The following TCF20 variants were observed in gnomAD, a reference collection of about 807,000 sequenced individuals.
TCF20 encodes the protein transcription factor 20, also known as SPRE-binding protein.
Under a neutral mutation model 148.6 loss-of-function variants are expected in TCF20, and 3 were observed. The observed-to-expected ratio is 0.02, with a 90% CI of 0.01 to 0.05. The LOEUF (loss-of-function observed/expected upper bound fraction) is 0.05. Among genes scored for constraint, TCF20 ranks in the 10% least tolerant of loss-of-function variants. The pLI is 1.00. For missense variants in TCF20, 2,350 were observed against 2,429.3 expected, an observed-to-expected ratio of 0.97 and a Z score of 0.69; for synonymous variants, 1,049 against 909.5, an observed-to-expected ratio of 1.15 and a Z score of -2.76.
At chr22:42,266,082 T>TAAA (rs134876) in intron 1 of TCF20, among the ~76,000 whole-genome samples, 1 of 141,562 alleles carries the variant, frequency 7.1e-6, no homozygotes, top group Non-Finnish European at 1.5e-5. Flanking sequence ...GCTTTAAAAT[T>TAAA]AAAAAAAAAA....
chr22:42,341,518 C>T (rs1928168144), intron 1 of TCF20, among the ~76,000 whole-genome samples: 1 of 152,156 alleles, frequency 6.6e-6, no homozygotes, highest in Non-Finnish European at 1.5e-5. Flanking sequence ...GGCAGAGGGT[C>T]AATCCTCGGC....
chr22:42,272,406 G>A (rs185790694), upstream of TCF20, among the ~76,000 whole-genome samples: 6 of 152,342 alleles, frequency 3.9e-5, no homozygotes, highest in Admixed American at 3.9e-4. Context: ...CATGAAGAAA[G>A]ATGAATCCTT....
intron 2 of TCF20, among the ~76,000 whole-genome samples, chr22:42,207,874 A>G (rs945394782): frequency 2.0e-4 from 31 of 152,222 alleles, no homozygotes; most frequent in South Asian, 4.2e-4. Context: ...AGAAAATAGG[A>G]AACAGACAAA....
At chr22:42,318,124 T>G (rs914668753) in intron 1 of TCF20, among the ~76,000 whole-genome samples, 1 of 152,260 alleles carries the variant, frequency 6.6e-6, no homozygotes, top group Non-Finnish European at 1.5e-5. Flanking sequence ...CCCGCCCTGC[T>G]CGCCAGGTAT....
intron 1 of TCF20, among the ~76,000 whole-genome samples, chr22:42,335,197 A>G (rs905372190): frequency 2.6e-5 from 4 of 152,046 alleles, no homozygotes; most frequent in African/African-American, 7.2e-5. Flanking sequence ...ACAGACAAGA[A>G]AGCAAGGAGT....
At chr22:42,335,361 C>G (rs988842284) in intron 1 of TCF20, among the ~76,000 whole-genome samples, 1 of 152,114 alleles carries the variant, frequency 6.6e-6, no homozygotes, top group Non-Finnish European at 1.5e-5. Context: ...GCCCTGCCCA[C>G]AGGCCGGCAC....
In TCF20 at chr22:42,212,488, C is replaced by T. The variant is rs774432756; in HGVS notation, c.2818G>A (p.Ala940Thr). The change falls in exon 2 of 6, where the codon GCT becomes ACT. Residue 940 changes from alanine to threonine, a missense_variant. Coordinates refer to ENST00000677622, the MANE Select transcript of TCF20 (RefSeq NM_001378418.1). ...EEDFEQSKSQ[A>T]SFNNKKSGDH... ...CCAGATTTCTTGTTGTTGAAACTAG[C>T]TTGAGATTTAGACTGTTCAAAGTCT... 10 of 1,614,078 alleles carry T rather than the reference C, an allele frequency of 6.2e-6. No individual in the cohort carries two copies. The highest frequency in any genetic ancestry group is 1.7e-5 in the Admixed American group (1 of 60,006).
At chr22:42,179,535 GACA>G in intron 3 of TCF20, 71 bp downstream of exon 3, 1 of 642,496 alleles carries the variant, frequency 1.6e-6, no homozygotes, top group Non-Finnish European at 2.5e-6. Flanking sequence ...AAAAAACAAC[GACA>G]ACAGAGAGAA....
chr22:42,335,782 G>A (rs1180389773), intron 1 of TCF20, among the ~76,000 whole-genome samples: 1 of 152,106 alleles, frequency 6.6e-6, no homozygotes. Context: ...GTGGCAAGGG[G>A]GTGACAGGGA....
intron 1 of TCF20, among the ~76,000 whole-genome samples, chr22:42,322,377 C>A (rs904765365): frequency 6.6e-6 from 1 of 151,786 alleles, no homozygotes; most frequent in Admixed American, 6.6e-5. Context: ...GGCTTCCCGG[C>A]AGCCGTCAGA....
At chr22:42,334,490 A>G (rs1478819278) in intron 1 of TCF20, among the ~76,000 whole-genome samples, 1 of 152,232 alleles carries the variant, frequency 6.6e-6, no homozygotes, top group African/African-American at 2.4e-5. Flanking sequence ...GTCAGTCAAC[A>G]AACAGCAACT....
chr22:42,225,392 A>G (rs992805564), intron 1 of TCF20, among the ~76,000 whole-genome samples: 1 of 151,424 alleles, frequency 6.6e-6, no homozygotes, highest in Non-Finnish European at 1.5e-5. Flanking sequence ...AGGCGGGTGG[A>G]TCATGAGGTC....
chr22:42,303,581 G>C (rs926687995), intron 1 of TCF20, among the ~76,000 whole-genome samples: 1 of 152,258 alleles, frequency 6.6e-6, no homozygotes, highest in African/African-American at 2.4e-5. Flanking sequence ...ACTGGGAATG[G>C]ATTCTGGACT....
chr22:42,229,096 G>T (rs1348745770), intron 1 of TCF20, among the ~76,000 whole-genome samples: 1 of 152,146 alleles, frequency 6.6e-6, no homozygotes, highest in African/African-American at 2.4e-5. Flanking sequence ...TTTAGAAGGT[G>T]GAGAAGAGGA....
intron 5 of TCF20, 32 bp downstream of exon 5, chr22:42,168,577 A>G: frequency 3.2e-6 from 5 of 1,542,090 alleles, no homozygotes; most frequent in Non-Finnish European, 4.4e-6. Context: ...GGAGCCGGGC[A>G]GGATGCAGGG....
At chr22:42,209,591 CAAGAA>C in intron 2 of TCF20, 55 bp downstream of exon 2, 1 of 1,518,980 alleles carries the variant, frequency 6.6e-7, no homozygotes, top group Non-Finnish European at 8.8e-7. Context: ...CAAAAACATG[CAAGAA>C]AAGGAACCAA....
intron 2 of TCF20, among the ~76,000 whole-genome samples, chr22:42,195,736 G>C (rs1425526496): frequency 6.6e-6 from 1 of 152,096 alleles, no homozygotes; most frequent in Non-Finnish European, 1.5e-5. Flanking sequence ...CTGACCTCAG[G>C]TGGTCCGCCT....
chr22:42,214,186 C>T lies in TCF20; in HGVS notation c.1120G>A (p.Ala374Thr). The T allele has an allele frequency of 6.2e-7, 1 of 1,614,210 alleles. No individual in the cohort carries two copies. Among genetic ancestry groups the T allele is most frequent in the Non-Finnish European group, 8.5e-7 (1 of 1,180,040 alleles). ...FSPISNPSPA[A>T]SVVQSPSCSS... ...CAGCTTGGAGACTGAACCACAGAGG[C>T]AGCTGGAGAAGGGTTAGAAATGGGG... The change falls in exon 2 of 6, where the codon GCC becomes ACC. Residue 374 changes from alanine (A) to threonine (T), a missense_variant. Around this residue, in one of 7 missense-constraint regions of TCF20, gnomAD observed 1,641 missense variants for 1,662.6 expected, o/e 0.99. Transcript: ENST00000677622.
chr22:42,283,062 C>G (rs1007370005), intron 1 of TCF20, among the ~76,000 whole-genome samples: 7 of 152,254 alleles, frequency 4.6e-5, no homozygotes, highest in Non-Finnish European at 8.8e-5. Flanking sequence ...ATTCTCCGCT[C>G]TCTTCCTCCT....
Sources: allele counts gnomAD v4.1 joint callset (sites outside exome capture counted in the v4.1 genomes callset), GRCh38; gene constraint gnomAD v4.1.1; regional missense constraint gnomAD v4.1.1; transcripts MANE v1.5; gene names NCBI Gene and HGNC (gene_info 2026-07-23, HGNC 2026-07-21).